The following RGS22 variants were observed in gnomAD, a reference collection of about 807,000 sequenced individuals.
RGS22 encodes the protein regulator of G protein signaling 22.
A neutral mutation model predicts 172.9 loss-of-function variants in RGS22; 148 were observed. The ratio of observed to expected loss-of-function variants is 0.86; its 90% CI spans 0.75 to 0.98. RGS22 has a LOEUF of 0.98. Among genes scored for constraint, RGS22 ranks in the 50% least tolerant of loss-of-function variants. RGS22 has a pLI of 0.00. For missense variants in RGS22, 1,347 were observed against 1,440.8 expected (o/e 0.93, Z 1.05); for synonymous variants, 458 against 480.2 (o/e 0.95, Z 0.60).
chr8:100,028,007 A>G (rs551913865), intron 14 of RGS22, among the ~76,000 whole-genome samples: 2 of 152,240 alleles, frequency 1.3e-5, no homozygotes, highest in East Asian at 3.9e-4. Context: ...TTTTATAAAC[A>G]TATATATAGT....
intron 9 of RGS22, among the ~76,000 whole-genome samples, chr8:100,053,439 A>AGGAC: frequency 1.2e-5 from 1 of 81,880 alleles, no homozygotes; most frequent in Non-Finnish European, 2.3e-5. Context: ...GGAGGAAGGA[A>AGGAC]GGAAGGAAGG....
At position 100,101,515 on chromosome 8, in the gene RGS22, G is replaced by C. The variant is rs142798771; in HGVS notation, c.54+3859C>G. Among the ~76,000 whole-genome samples the C allele has an allele frequency of 1.6e-3, 229 of 141,914 alleles. 2 individuals carry two copies. Among genetic ancestry groups the C allele is most frequent in the African/African-American group, 5.8e-3 (219 of 37,908 alleles). The allele number at this position is 141,914 out of a possible 152,430, so 93.1% of individuals were successfully genotyped here. A position where few individuals can be genotyped will look rare whatever the true frequency, so the allele number is the denominator to read the frequency against. On this transcript the variant is annotated intron_variant, in intron 2 of 27. Transcript: ENST00000360863. ...TCACTGTGTTAACCAGGATGGTCTC[G>C]ATCTCCTGACTTCATGATCCGCCCA...
intron 21 of RGS22, among the ~76,000 whole-genome samples, chr8:99,984,382 A>G (rs1401592168): frequency 6.6e-6 from 1 of 152,236 alleles, no homozygotes. Flanking sequence ...AAATTTGTGA[A>G]GTATACAATT....
At chr8:100,038,621 T>C (rs1819758617) in intron 14 of RGS22, 1 of 198,742 alleles carries the variant, frequency 5.0e-6, no homozygotes, top group Non-Finnish European at 1.0e-5. Flanking sequence ...GGGTCTTCTT[T>C]TAAATCACTC....
chr8:100,033,820 C>T (rs908114073), intron 14 of RGS22, among the ~76,000 whole-genome samples: 3 of 152,142 alleles, frequency 2.0e-5, no homozygotes, highest in African/African-American at 7.2e-5. Flanking sequence ...ACACACAAAT[C>T]AATAAATGTA....
At chr8:100,055,243 T>C (rs1316667541) in intron 9 of RGS22, among the ~76,000 whole-genome samples, 2 of 152,134 alleles carry the variant, frequency 1.3e-5, no homozygotes, top group South Asian at 2.1e-4. Context: ...AGCACAGTCA[T>C]AGTGGTGGTA....
At chr8:100,039,309 T>C (rs1416944740) in intron 13 of RGS22, among the ~76,000 whole-genome samples, 1 of 152,174 alleles carries the variant, frequency 6.6e-6, no homozygotes, top group African/African-American at 2.4e-5. Flanking sequence ...GCCATGTATT[T>C]TGATATATAT....
intron 3 of RGS22, 155 bp downstream of exon 3, chr8:100,093,289 AATG>A (rs1339302631): frequency 7.8e-6 from 4 of 509,620 alleles, no homozygotes; most frequent in Non-Finnish European, 1.4e-5. Context: ...TTCAAATCCA[AATG>A]ATTAACTATG....
chr8:100,053,902 G>A (rs942106586), intron 9 of RGS22, among the ~76,000 whole-genome samples: 1 of 152,134 alleles, frequency 6.6e-6, no homozygotes, highest in African/African-American at 2.4e-5. Flanking sequence ...CCAAAGTGCT[G>A]GGATTACAGG....
At chr8:100,090,247 C>T (rs562312324) in intron 3 of RGS22, among the ~76,000 whole-genome samples, 9 of 152,116 alleles carry the variant, frequency 5.9e-5, no homozygotes, top group Non-Finnish European at 1.0e-4. Flanking sequence ...AGCAAGGTTT[C>T]TAAGATCATG....
chr8:100,081,362 G>GTATATATATATATATA (rs71274952), intron 3 of RGS22, among the ~76,000 whole-genome samples: 20 of 143,502 alleles, frequency 1.4e-4, no homozygotes, highest in African/African-American at 4.8e-4. Flanking sequence ...GTGCGTGTAT[G>GTATATATATATATATA]TATATATATA....
In RGS22 at chr8:99,977,113, C is replaced by CT. The variant is rs200087356; in HGVS notation, c.3519+803dup. On this transcript the variant is annotated intron_variant, in intron 23 of 27. Coordinates refer to ENST00000360863, the MANE Select transcript of RGS22 (RefSeq NM_015668.5). ...CACAATGTATCATTCTGTAATTTTT[C>CT]TTTTTTTTTAGATGGAATATCACTC... Among the ~76,000 whole-genome samples, 1,441 of 149,858 alleles carry CT rather than the reference C, an allele frequency of 9.6e-3. 14 individuals are homozygous for CT. The highest frequency in any genetic ancestry group is 0.02 in the Middle Eastern group (6 of 294).
rs763927712 is a variant in RGS22, at chr8:99,977,993, C to A, written c.3443G>T (p.Ser1148Ile). Residue 1148 changes from serine to isoleucine, a missense_variant, in exon 23 of 28, where the codon AGT becomes ATT. Ser to Ile is a moderately radical substitution (Grantham distance 142). Coordinates refer to ENST00000360863, the MANE Select transcript of RGS22 (RefSeq NM_015668.5). ...RKNLTDENIMSVLERRQEYNK... is the reference protein window; with the variant it reads ...RKNLTDENIMIVLERRQEYNK... ...ATATTCTTGTCTTCTCTCTAAAACA[C>A]TCATAATATTTTCATCTGTTAAATT... 6.4e-7 allele frequency: 1 copy of A among 1,552,046 alleles called. No homozygotes were observed. The highest frequency in any genetic ancestry group is 8.6e-7 in the Non-Finnish European group (1 of 1,157,580).
At chr8:100,099,833 A>C (rs1221863037) in intron 2 of RGS22, among the ~76,000 whole-genome samples, 1 of 152,224 alleles carries the variant, frequency 6.6e-6, no homozygotes, top group Non-Finnish European at 1.5e-5. Context: ...AACCTCTTAA[A>C]GAAACAAGAA....
intron 4 of RGS22, among the ~76,000 whole-genome samples, chr8:100,075,583 A>G (rs1811290306): frequency 6.6e-6 from 1 of 152,222 alleles, no homozygotes; most frequent in South Asian, 2.1e-4. Context: ...TTTAACTTGG[A>G]AAGAAGTGCC....
In RGS22 at chr8:99,987,512, T is replaced by C. The variant is rs199838743; in HGVS notation, c.3126A>G (p.Lys1042=). 1.4e-4 allele frequency: 219 copies of C among 1,611,936 alleles called. No individual in the cohort carries two copies. In the African/African-American group the frequency reaches 2.6e-3, roughly 19 times the overall value. Residue 1042 remains lysine, a synonymous_variant, in exon 21 of 28, where the codon AAA becomes AAG. Transcript: ENST00000360863. The stretch of plus-strand genomic sequence containing the variant: ...GTAAACCATTTTCCAATAAATCTCC[T>C]TTTAGAGCCACAAAACGTTGAAATT... ...SRQFQRFVAL[K]GDLLENGLLF... is the part of the protein sequence containing the mutation.
intron 22 of RGS22, among the ~76,000 whole-genome samples, chr8:99,980,034 T>C (rs1812381431): frequency 6.6e-6 from 1 of 152,190 alleles, no homozygotes; most frequent in Admixed American, 6.5e-5. Context: ...AAGATGTAGC[T>C]AGAGAGATAT....
At chr8:100,066,003 A>C (rs926104947) in intron 7 of RGS22, among the ~76,000 whole-genome samples, 164 bp downstream of exon 7, 1 of 152,182 alleles carries the variant, frequency 6.6e-6, no homozygotes, top group African/African-American at 2.4e-5. Flanking sequence ...TCTCCTTTTC[A>C]CTATACAAAG....
chr8:100,054,433 A>C (rs1822031837), intron 9 of RGS22: 2 of 153,990 alleles, frequency 1.3e-5, no homozygotes, highest in Admixed American at 6.6e-5. Flanking sequence ...TCTACAGAAA[A>C]ATTTTTCAAA....
Sources: allele counts gnomAD v4.1 joint callset (sites outside exome capture counted in the v4.1 genomes callset), GRCh38; gene constraint gnomAD v4.1.1; transcripts MANE v1.5; gene names NCBI Gene and HGNC (gene_info 2026-07-23, HGNC 2026-07-21).